Variants in MYL5 observed in about 807,000 individuals in gnomAD.
MYL5 encodes the protein myosin regulatory light chain 5.
A neutral mutation model predicts 20.8 loss-of-function variants in MYL5; 28 were observed. The observed-to-expected ratio is 1.35, with a 90% CI of 1.00 to 1.84. The LOEUF is 1.84. MYL5 is among the 40% of genes most tolerant of loss of function. The probability of loss-of-function intolerance (pLI) is 0.00; values close to 1 mark genes in which losing one functional copy is unlikely to be tolerated. For synonymous variants in MYL5, 118 were observed against 87.4 expected (o/e 1.35, Z -1.95); for missense variants, 274 against 227.3 (o/e 1.21, Z -1.32).
At chr4:680,534 T>C (rs745867158) in exon 5 of MYL5, 2 of 1,613,524 alleles carry the variant, frequency 1.2e-6, no homozygotes, top group Non-Finnish European at 1.7e-6. Flanking sequence ...AGACCATTCT[T>C]AACGCCTTCA....
upstream of MYL5, chr4:677,914 C>A: frequency 6.3e-7 from 1 of 1,584,216 alleles, no homozygotes; most frequent in Non-Finnish European, 8.7e-7. Context: ...CCAAGCCTGT[C>A]CTTGTAGGGA....
At chr4:680,247 A>T (rs1739319417) in intron 4 of MYL5, among the ~76,000 whole-genome samples, 1 of 151,694 alleles carries the variant, frequency 6.6e-6, no homozygotes, top group Admixed American at 6.6e-5. Context: ...TCTGTCCCTC[A>T]CTCATGCAGC....
chr4:680,283 C>A (rs1739323386), intron 4 of MYL5, among the ~76,000 whole-genome samples: 1 of 152,178 alleles, frequency 6.6e-6, no homozygotes, highest in South Asian at 2.1e-4. Flanking sequence ...CAGGCCTGGG[C>A]TGACCCTGGG....
exon 7 of MYL5, chr4:681,939 TGGACTACAA>T (rs761651586): frequency 1.1e-4 from 146 of 1,332,112 alleles, no homozygotes; most frequent in African/African-American, 1.5e-4. Context: ...GCGGGCAACC[TGGACTACAA>T]GGCGCTCAGC....
At chr4:680,732 G>T in intron 5 of MYL5, 145 bp downstream of exon 7, 1 of 829,868 alleles carries the variant, frequency 1.2e-6, no homozygotes, top group South Asian at 1.7e-5. Context: ...GCGAACCCAG[G>T]ATCCCAGCTG....
chr4:674,564 C>T (rs113529517), upstream of MYL5: 2 of 446,644 alleles, frequency 4.5e-6, no homozygotes, highest in Non-Finnish European at 8.0e-6. Context: ...GGCTGGGGGT[C>T]CGCTGTTTCC....
At chr4:681,796 C>T in intron 6 of MYL5, 97 bp from the exon 9 acceptor site, 2 of 1,240,940 alleles carry the variant, frequency 1.6e-6, no homozygotes, top group Admixed American at 4.2e-5. Flanking sequence ...CCCGCTCCCC[C>T]TCCCGCGGCG....
exon 2 of MYL5, chr4:678,700 G>T (rs1268039572): frequency 6.2e-7 from 1 of 1,611,812 alleles, no homozygotes. Flanking sequence ...TGCCCTCCGG[G>T]CCCAGAGAGC....
At chr4:675,790 A>T (rs891638927), upstream of MYL5, 2 of 152,326 alleles carry the variant, frequency 1.3e-5, no homozygotes, top group Non-Finnish European at 2.9e-5. Flanking sequence ...CAGCCTGGGC[A>T]TCAGATTCCC....
intron 6 of MYL5, among the ~76,000 whole-genome samples, chr4:681,375 C>A (rs1739490077): frequency 6.6e-6 from 1 of 152,056 alleles, no homozygotes; most frequent in Non-Finnish European, 1.5e-5. Flanking sequence ...GAGACCCCTC[C>A]GCGGCCTGAG....
At chr4:680,674 A>G in intron 5 of MYL5, 87 bp downstream of exon 7, 1 of 1,372,918 alleles carries the variant, frequency 7.3e-7, no homozygotes, top group Non-Finnish European at 1.0e-6. Flanking sequence ...CAGCCACCAG[A>G]TGCCACGCCC....
intron 6 of MYL5, 119 bp from the exon 9 acceptor site, chr4:681,774 C>T: frequency 8.2e-7 from 1 of 1,217,588 alleles, no homozygotes; most frequent in Non-Finnish European, 1.0e-6. Context: ...TCACCCCGCA[C>T]CCGGGCCCCT....
rs1560155916 is a variant in MYL5 at position 681,082 on chromosome 4, TC to T, written c.372-9del. On this transcript the variant is annotated splice_polypyrimidine_tract_variant and intron_variant, in intron 5 of 6. Coordinates refer to ENST00000400159, the Ensembl canonical transcript of MYL5. The stretch of plus-strand genomic sequence containing the variant: ...CATCAGCCCGCGCTGACCCCTTTCC[TC>T]GTCCTCAGCATCAAGCGTCTGCTGA... 1 of 1,596,426 alleles carries T rather than the reference TC, an allele frequency of 6.3e-7. No homozygotes were observed. Among genetic ancestry groups the T allele is most frequent in the Non-Finnish European group, 8.5e-7 (1 of 1,172,248 alleles).
chr4:681,740 G>A (rs1404084943), intron 6 of MYL5, 153 bp from the exon 9 acceptor site: 8 of 767,184 alleles, frequency 1.0e-5, no homozygotes, highest in East Asian at 1.1e-4. Flanking sequence ...CTCCAGCGCC[G>A]CCCCGCCCCC....
chr4:681,268 C>T, intron 6 of MYL5, 128 bp downstream of exon 8: 1 of 1,127,814 alleles, frequency 8.9e-7, no homozygotes, highest in Non-Finnish European at 1.3e-6. Flanking sequence ...AACAGGCCCC[C>T]GGGGGGCTCC....
chr4:677,496 C>T (rs756431505), upstream of MYL5, among the ~76,000 whole-genome samples: 4 of 152,202 alleles, frequency 2.6e-5, no homozygotes, highest in African/African-American at 4.8e-5. Context: ...TGAGGTCAGA[C>T]GGGGTGGTCC....
exon 5 of MYL5, chr4:680,519 C>T (rs367674993): frequency 2.4e-5 from 39 of 1,613,246 alleles, no homozygotes; most frequent in East Asian, 4.5e-5. Context: ...GTACCGACGC[C>T]GAGGAGACCA....
At chr4:680,562 G>T in exon 5 of MYL5, 1 of 1,613,358 alleles carries the variant, frequency 6.2e-7, no homozygotes, top group Non-Finnish European at 8.5e-7. Context: ...GGACCCGGAC[G>T]GGAAAGGGAA....
At chr4:678,199 T>C in intron 1 of MYL5, 170 bp downstream of exon 3, 1 of 1,520,038 alleles carries the variant, frequency 6.6e-7, no homozygotes, top group East Asian at 2.5e-5. Flanking sequence ...TATGTGCGTG[T>C]GTGTGACCTT....
Sources: gnomAD v4.1 joint callset for allele counts (sites outside exome capture counted in the v4.1 genomes callset) on GRCh38, gnomAD v4.1.1 for gene constraint, MANE v1.5 for transcripts, NCBI Gene and HGNC (gene_info 2026-07-23, HGNC 2026-07-21) for gene names.